The following ALK variants were observed in gnomAD, a reference collection of about 807,000 sequenced individuals.
ALK encodes the protein ALK receptor tyrosine kinase.
Under a neutral mutation model 163.1 loss-of-function variants are expected in ALK, and 74 were observed. That is an observed-to-expected ratio of 0.45 (90% confidence interval 0.38 to 0.55). The LOEUF (loss-of-function observed/expected upper bound fraction) is 0.55, where lower values mean the gene tolerates loss of function less well. Among genes scored for constraint, ALK ranks in the 20% least tolerant of loss-of-function variants. The pLI is 0.00. For synonymous variants in ALK, 960 were observed against 843.2 expected (o/e 1.14, Z -2.40); for missense variants, 2,063 against 2,105.3 (o/e 0.98, Z 0.39).
At chr2:29,823,436 A>G (rs978946355) in intron 1 of ALK, among the ~76,000 whole-genome samples, 4 of 152,194 alleles carry the variant, frequency 2.6e-5, no homozygotes, top group African/African-American at 9.6e-5. Context: ...GGGGGCTCAG[A>G]ATAAGACAGG....
chr2:29,736,331 TTTC>T (rs1679891676), intron 1 of ALK, among the ~76,000 whole-genome samples: 1 of 152,074 alleles, frequency 6.6e-6, no homozygotes, highest in Non-Finnish European at 1.5e-5. Context: ...AGTCATTTAT[TTTC>T]TTCTTTATAC....
chr2:29,511,488 G>T (rs533591022), intron 4 of ALK, among the ~76,000 whole-genome samples: 4 of 152,068 alleles, frequency 2.6e-5, no homozygotes, highest in East Asian at 1.9e-4. Context: ...TATTTTTATT[G>T]TTGGATAGTG....
At chr2:29,304,498 AAAAAAAAAAAAAAG>A (rs1666451988) in intron 8 of ALK, among the ~76,000 whole-genome samples, 1 of 151,120 alleles carries the variant, frequency 6.6e-6, no homozygotes, top group Non-Finnish European at 1.5e-5. Context: ...GTGTCTAAAA[AAAAAAAAAAAAAAG>A]AAAAGAAAAA....
intron 2 of ALK, among the ~76,000 whole-genome samples, chr2:29,714,148 A>G (rs1354114865): frequency 6.6e-6 from 1 of 152,136 alleles, no homozygotes; most frequent in Non-Finnish European, 1.5e-5. Context: ...TAAGGGCATG[A>G]GAGCTGATGA....
chr2:29,348,824 C>T (rs567794991), intron 5 of ALK, among the ~76,000 whole-genome samples: 2 of 152,324 alleles, frequency 1.3e-5, no homozygotes, highest in African/African-American at 4.8e-5. Context: ...TAATTCAATG[C>T]TCTATTATGT....
At chr2:29,899,923 A>G (rs1161475234) in intron 1 of ALK, among the ~76,000 whole-genome samples, 1 of 152,228 alleles carries the variant, frequency 6.6e-6, no homozygotes, top group East Asian at 1.9e-4. Context: ...ACTTGCAGCC[A>G]AATGTATTCT....
chr2:29,625,701 C>G (rs929122314), intron 3 of ALK, among the ~76,000 whole-genome samples: 1 of 152,238 alleles, frequency 6.6e-6, no homozygotes, highest in Non-Finnish European at 1.5e-5. Flanking sequence ...GCTGCAAATA[C>G]GTGAATCCAC....
At chr2:29,252,433 G>C (rs778473560) in intron 11 of ALK, among the ~76,000 whole-genome samples, 2 of 152,170 alleles carry the variant, frequency 1.3e-5, no homozygotes, top group Non-Finnish European at 2.9e-5. Flanking sequence ...GCATAATTTT[G>C]CTAAGACATT....
At chr2:29,275,349 G>T in intron 10 of ALK, 53 bp downstream of exon 10, 3 of 1,606,916 alleles carry the variant, frequency 1.9e-6, no homozygotes, top group Non-Finnish European at 2.6e-6. Flanking sequence ...GGACAATGAG[G>T]CCATGGGCCA....
intron 3 of ALK, among the ~76,000 whole-genome samples, chr2:29,682,656 T>C (rs1337466479): frequency 1.3e-5 from 2 of 152,190 alleles, no homozygotes. Flanking sequence ...TGAAGCAATA[T>C]TGGATATAAG....
chr2:29,532,131 G>A lies in ALK; in HGVS notation c.953-15C>T. 6.2e-7 allele frequency: 1 copy of A among 1,613,062 alleles called. No individual in the cohort carries two copies. The highest frequency in any genetic ancestry group is 8.5e-7 in the Non-Finnish European group (1 of 1,179,384). On this transcript the variant is annotated splice_polypyrimidine_tract_variant and intron_variant, in intron 3 of 28. Transcript: ENST00000389048. ...GAGAAAGGAGCCTGGAAAGAGACAG[G>A]GAAAACGAATCTGCAGATGTGTTCA...
intron 3 of ALK, among the ~76,000 whole-genome samples, chr2:29,541,030 C>A (rs1398118847): frequency 1.3e-5 from 2 of 151,966 alleles, no homozygotes; most frequent in African/African-American, 4.8e-5. Flanking sequence ...AGCCTTTTTT[C>A]CCTGTTTCCA....
chr2:29,659,548 T>C (rs1180100735), intron 3 of ALK, among the ~76,000 whole-genome samples: 2 of 152,144 alleles, frequency 1.3e-5, no homozygotes, highest in East Asian at 3.9e-4. Context: ...CACTACGTTA[T>C]ACAACAGGGA....
intron 3 of ALK, among the ~76,000 whole-genome samples, chr2:29,589,679 T>C (rs989819540): frequency 3.3e-5 from 5 of 152,324 alleles, no homozygotes; most frequent in South Asian, 4.1e-4. Context: ...TCCACTGCTA[T>C]TGTATAGAGT....
At chr2:29,900,919 T>A (rs1667396521) in intron 1 of ALK, among the ~76,000 whole-genome samples, 2 of 152,096 alleles carry the variant, frequency 1.3e-5, no homozygotes, top group South Asian at 4.1e-4. Context: ...AGCCACTCGA[T>A]TTTCATCCTA....
At chr2:29,670,605 T>C (rs1677654045) in intron 3 of ALK, among the ~76,000 whole-genome samples, 1 of 152,090 alleles carries the variant, frequency 6.6e-6, no homozygotes, top group African/African-American at 2.4e-5. Context: ...TGCCCCTTGC[T>C]CTTCCTTGGC....
At chr2:29,716,894 C>G (rs1204920125) in intron 2 of ALK, among the ~76,000 whole-genome samples, 1 of 149,762 alleles carries the variant, frequency 6.7e-6, no homozygotes, top group Non-Finnish European at 1.5e-5. Context: ...CCTGTAATCC[C>G]AGCACTTTAG....
intron 1 of ALK, among the ~76,000 whole-genome samples, chr2:29,753,476 C>A (rs79397145): frequency 6.6e-6 from 1 of 152,132 alleles, no homozygotes; most frequent in Non-Finnish European, 1.5e-5. Flanking sequence ...TCTCTTAAGC[C>A]TGGTCTCCGT....
At chr2:29,538,622 T>C (rs1273628617) in intron 3 of ALK, among the ~76,000 whole-genome samples, 2 of 152,152 alleles carry the variant, frequency 1.3e-5, no homozygotes, top group African/African-American at 4.8e-5. Flanking sequence ...GACACAAGCA[T>C]GAACTAATAC....
Sources: allele counts gnomAD v4.1 joint callset (sites outside exome capture counted in the v4.1 genomes callset), GRCh38; gene constraint gnomAD v4.1.1; transcripts MANE v1.5; gene names NCBI Gene and HGNC (gene_info 2026-07-23, HGNC 2026-07-21).